The following KCNQ5 variants were observed in gnomAD, a reference collection of about 807,000 sequenced individuals.
KCNQ5 encodes the protein potassium voltage-gated channel subfamily Q member 5.
Under a neutral mutation model 98.2 loss-of-function variants are expected in KCNQ5, and 30 were observed. The ratio of observed to expected loss-of-function variants is 0.31; its 90% confidence interval spans 0.23 to 0.41. The LOEUF is 0.41. Among genes scored for constraint, KCNQ5 ranks in the 10% least tolerant of loss-of-function variants. KCNQ5 has a pLI of 1.00. For synonymous variants in KCNQ5, 458 were observed against 449.4 expected, an observed-to-expected ratio of 1.02 and a Z score of -0.24; for missense variants, 835 against 1,182.5, an observed-to-expected ratio of 0.71 and a Z score of 4.31.
chr6:72,949,579 G>A (rs1766705542), intron 1 of KCNQ5, among the ~76,000 whole-genome samples: 1 of 152,144 alleles, frequency 6.6e-6, no homozygotes, highest in South Asian at 2.1e-4. Flanking sequence ...AACTACGTGA[G>A]TATAGCTTTA....
intron 10 of KCNQ5, among the ~76,000 whole-genome samples, chr6:73,139,747 A>G (rs1262181313): frequency 1.3e-5 from 2 of 152,172 alleles, no homozygotes; most frequent in African/African-American, 4.8e-5. Flanking sequence ...CCTTCCTCAC[A>G]TACAGTCAGC....
intron 1 of KCNQ5, among the ~76,000 whole-genome samples, chr6:72,956,257 CACA>C (rs758737779): frequency 1.9e-4 from 29 of 152,184 alleles, no homozygotes; most frequent in Non-Finnish European, 3.5e-4. Context: ...CTCAAAGCCA[CACA>C]ACAAGTCAGT....
At chr6:72,873,268 G>C (rs1778285200) in intron 1 of KCNQ5, among the ~76,000 whole-genome samples, 1 of 152,008 alleles carries the variant, frequency 6.6e-6, no homozygotes, top group Non-Finnish European at 1.5e-5. Flanking sequence ...GTTTTTATTT[G>C]TATTTACTTA....
intron 1 of KCNQ5, among the ~76,000 whole-genome samples, chr6:72,764,273 C>T (rs1432099618): frequency 6.6e-6 from 1 of 151,924 alleles, no homozygotes; most frequent in Non-Finnish European, 1.5e-5. Flanking sequence ...AACCAACAAA[C>T]AAACTGTATG....
At chr6:73,072,973 T>C (rs1241586959) in intron 3 of KCNQ5, among the ~76,000 whole-genome samples, 1 of 152,208 alleles carries the variant, frequency 6.6e-6, no homozygotes, top group East Asian at 1.9e-4. Flanking sequence ...CCCCATTTTC[T>C]CTTGAAGCAG....
intron 1 of KCNQ5, among the ~76,000 whole-genome samples, chr6:72,677,755 A>G (rs1308931950): frequency 1.3e-5 from 2 of 152,222 alleles, no homozygotes; most frequent in East Asian, 3.8e-4. Flanking sequence ...CTAAGTACCT[A>G]GGAATTACTT....
rs1226658256 is a variant in KCNQ5, at chr6:72,785,906, A to G, written c.398+163319A>G. Among the ~76,000 whole-genome samples, 3 of 152,100 alleles carry G rather than the reference A, an allele frequency of 2.0e-5. No homozygotes were observed. The East Asian group carries it at 5.8e-4, about 29-fold the overall frequency. ...AAGCCACCATGTTCCAAATTCTGCCATAAACCCTGGGTTTAGGACAGTTCA... is the reference window on the plus strand; with the variant it reads ...AAGCCACCATGTTCCAAATTCTGCCGTAAACCCTGGGTTTAGGACAGTTCA... On this transcript the variant is annotated intron_variant, in intron 1 of 13. Transcript: ENST00000370398.
At chr6:73,077,968 G>T in intron 5 of KCNQ5, 81 bp downstream of exon 5, 6 of 1,117,848 alleles carry the variant, frequency 5.4e-6, no homozygotes, top group South Asian at 1.8e-5. Flanking sequence ...TCCTATGGAT[G>T]GTTTCAATAA....
intron 11 of KCNQ5, among the ~76,000 whole-genome samples, chr6:73,173,087 A>G (rs1223967665): frequency 6.6e-6 from 1 of 152,224 alleles, no homozygotes; most frequent in African/African-American, 2.4e-5. Context: ...TTCATGGTAC[A>G]TAGTAAAGAA....
At chr6:72,808,895 A>G (rs1467849758) in intron 1 of KCNQ5, among the ~76,000 whole-genome samples, 2 of 152,080 alleles carry the variant, frequency 1.3e-5, no homozygotes, top group Admixed American at 6.6e-5. Flanking sequence ...TACTGGGTAT[A>G]TACCCAAAGG....
chr6:73,192,398 A>G lies in KCNQ5; in HGVS notation c.1710-167A>G, dbSNP rs184584785. Among the ~76,000 whole-genome samples the G allele has an allele frequency of 9.7e-4, 148 of 152,362 alleles. 1 individual carries two copies. Among genetic ancestry groups the G allele is most frequent in the African/African-American group, 3.3e-3 (139 of 41,592 alleles). ...TAATGAGAAAATTAATTTCATGTGT[A>G]ATCTCATGTTCAAATAAGCATATCA... On this transcript the variant is annotated intron_variant, in intron 12 of 13. Coordinates refer to ENST00000370398, the MANE Select transcript of KCNQ5 (RefSeq NM_019842.4).
chr6:72,671,063 G>A (rs1008197190), intron 1 of KCNQ5, among the ~76,000 whole-genome samples: 3 of 151,994 alleles, frequency 2.0e-5, no homozygotes, highest in Admixed American at 6.5e-5. Context: ...TTTCCATCTG[G>A]GTCCTCATCC....
intron 11 of KCNQ5, among the ~76,000 whole-genome samples, chr6:73,187,713 A>C (rs1765429703): frequency 6.6e-6 from 1 of 152,244 alleles, no homozygotes; most frequent in Admixed American, 6.5e-5. Flanking sequence ...ATGGATTTTA[A>C]TTTTAACTTT....
At chr6:72,656,336 C>T (rs559490861) in intron 1 of KCNQ5, among the ~76,000 whole-genome samples, 13 of 152,268 alleles carry the variant, frequency 8.5e-5, no homozygotes, top group Non-Finnish European at 1.3e-4. Flanking sequence ...GTAACTTGAA[C>T]GTTGCATGTT....
intron 1 of KCNQ5, among the ~76,000 whole-genome samples, chr6:72,978,205 T>G (rs1357458313): frequency 6.6e-6 from 1 of 152,242 alleles, no homozygotes; most frequent in Non-Finnish European, 1.5e-5. Flanking sequence ...TGTTTTTGTT[T>G]CCAGTTTTGA....
intron 1 of KCNQ5, among the ~76,000 whole-genome samples, chr6:72,857,273 CT>C (rs557848800): frequency 6.6e-6 from 1 of 151,954 alleles, no homozygotes; most frequent in South Asian, 2.1e-4. Flanking sequence ...TCATTTTATT[CT>C]TTTTTTTCAT....
intron 1 of KCNQ5, among the ~76,000 whole-genome samples, chr6:72,849,590 C>A (rs558468824): frequency 3.9e-5 from 6 of 152,258 alleles, no homozygotes; most frequent in Admixed American, 2.0e-4. Flanking sequence ...ATTTGATGAT[C>A]TGCAAGAACT....
Position 72,752,188 on chromosome 6 carries a change from C to T in KCNQ5, c.398+129601C>T, listed in dbSNP as rs535555452. On this transcript the variant is annotated intron_variant, in intron 1 of 13. Transcript: ENST00000370398. ...GGCGGACAGCATGAAAGACGTTGTC[C>T]TTTTTCATATGGAGCTTATATTTGA... Among the ~76,000 whole-genome samples the T allele has an allele frequency of 1.4e-4, 22 of 152,148 alleles. No homozygotes were observed. In the East Asian group the frequency reaches 4.1e-3, roughly 28 times the overall value.
At chr6:73,111,281 G>T in intron 6 of KCNQ5, 27 bp from the exon 7 acceptor site, 2 of 1,532,530 alleles carry the variant, frequency 1.3e-6, no homozygotes, top group South Asian at 2.3e-5. Flanking sequence ...TGAAATTTTT[G>T]AGTGCCATTT....
Sources: gnomAD v4.1 joint callset for allele counts (sites outside exome capture counted in the v4.1 genomes callset) on GRCh38, gnomAD v4.1.1 for gene constraint, MANE v1.5 for transcripts, NCBI Gene and HGNC (gene_info 2026-07-23, HGNC 2026-07-21) for gene names.